ZNF48: variants seen among roughly 807,000 people sequenced by gnomAD.
ZNF48 encodes zinc finger protein 48.
Under a neutral mutation model 40.0 loss-of-function variants are expected in ZNF48, and 20 were observed. The ratio of observed to expected loss-of-function variants is 0.50; its 90% CI spans 0.35 to 0.73. The LOEUF (loss-of-function observed/expected upper bound fraction) is 0.73. Ranked by LOEUF, ZNF48 falls within the 30% of genes least tolerant of loss-of-function variation. The probability of loss-of-function intolerance (pLI) is 0.01; values close to 1 mark genes in which losing one functional copy is unlikely to be tolerated. For synonymous variants in ZNF48, 298 were observed against 329.7 expected (o/e 0.90, Z 1.04); for missense variants, 726 against 851.9 (o/e 0.85, Z 1.84).
At chr16:30,378,520 G>A (rs2049784225) in intron 1 of ZNF48, 2 of 1,591,052 alleles carry the variant, frequency 1.3e-6, no homozygotes, top group South Asian at 2.2e-5. Flanking sequence ...ATGCGGCGCA[G>A]CTGTGCAGGG....
chr16:30,379,147 C>T, intron 1 of ZNF48: 2 of 1,614,114 alleles, frequency 1.2e-6, no homozygotes, highest in Non-Finnish European at 1.7e-6. Flanking sequence ...CAGCATCCGT[C>T]GCAGGTTCAG....
chr16:30,383,048 G>C (rs962532779), intron 1 of ZNF48: 1 of 518,040 alleles, frequency 1.9e-6, no homozygotes, highest in South Asian at 2.0e-5. Context: ...CAGGCATGTT[G>C]GTACAATCCT....
chr16:30,399,378 T>C lies in ZNF48; in HGVS notation c.*271T>C, dbSNP rs1481988107. 2 of 357,818 alleles carry C rather than the reference T, an allele frequency of 5.6e-6. No homozygotes were observed. Among genetic ancestry groups the C allele is most frequent in the Admixed American group, 4.3e-5 (1 of 23,288 alleles). 22.2% of individuals were successfully genotyped at this position (357,818 alleles called of 1,614,324 possible). On this transcript the variant is annotated 3_prime_UTR_variant, in exon 3 of 3. Transcript: ENST00000613509. The stretch of plus-strand genomic sequence containing the variant: ...AGGCATTCAATACTTGTTGAATAAA[T>C]AAACTGGCTTTCACCTAAGGACTCA...
rs1243264194 is a variant in ZNF48 at position 30,399,074 on chromosome 16, C to G, written c.1824C>G (p.Pro608=). Reference sequence around the variant, plus strand: ...GGATAGGGGATGGTAGGGCAAGGCCCCTCAAGCAGGAGGCAGCAACAGGAC... The same window carrying G: ...GGATAGGGGATGGTAGGGCAAGGCCGCTCAAGCAGGAGGCAGCAACAGGAC... The part of the protein sequence containing the change: ...PFGIGDGRAR[P]LKQEAATGLE Residue 608 remains proline (P), a synonymous_variant, in exon 3 of 3, where the codon CCC becomes CCG. Transcript: ENST00000613509. The G allele has an allele frequency of 6.2e-7, 1 of 1,601,954 alleles. No homozygotes were observed. Among genetic ancestry groups the G allele is most frequent in the Non-Finnish European group, 8.5e-7 (1 of 1,173,266 alleles).
Position 30,399,180 on chromosome 16 carries a change from C to T in ZNF48, c.*73C>T, listed in dbSNP as rs2050027940. 1.4e-6 allele frequency: 2 copies of T among 1,408,254 alleles called. No individual in the cohort carries two copies. Among genetic ancestry groups the T allele is most frequent in the African/African-American group, 1.4e-5 (1 of 69,564 alleles). The allele number at this position is 1,408,254 out of a possible 1,614,324, so 87.2% of individuals were successfully genotyped here. On this transcript the variant is annotated 3_prime_UTR_variant, in exon 3 of 3. Coordinates refer to ENST00000613509, the MANE Select transcript of ZNF48 (RefSeq NM_001214909.2). ...TGCCGCTTAGCAGAGAAGAAAGGGC[C>T]TGGGAGGTGGTGGGAGGGAGAAGGA...
chr16:30,398,570 G>C lies in ZNF48; in HGVS notation c.1320G>C (p.Glu440Asp). 1.2e-6 allele frequency: 2 copies of C among 1,611,502 alleles called. No individual in the cohort carries two copies. The highest frequency in any genetic ancestry group is 1.7e-6 in the Non-Finnish European group (2 of 1,179,436). ...AGCCTGGGGGCCCACAGGCTGGGGA[G>C]CCACCCCCACCACTGGCGGGCGACA... ...EPEPGGPQAG[E>D]PPPPLAGDKP... The change falls in exon 3 of 3, where the codon GAG (glutamate) becomes GAC (aspartate). Residue 440 changes from glutamate (E) to aspartate (D), a missense_variant. This residue lies in a region of ZNF48 where 378 missense variants were observed against 449.1 expected (regional missense o/e 0.84). Coordinates refer to ENST00000613509, the MANE Select transcript of ZNF48 (RefSeq NM_001214909.2). This position sits in a 1 kb window ranked among gnomAD's most constrained non-coding sequence, Gnocchi z 6.6.
upstream of ZNF48, among the ~76,000 whole-genome samples, chr16:30,391,399 A>G (rs1253621753): frequency 6.6e-6 from 1 of 151,310 alleles, no homozygotes; most frequent in Non-Finnish European, 1.5e-5. Context: ...CATGTTGGTC[A>G]GGCTGGTCTC....
At chr16:30,388,323 T>A (rs762372803) in intron 1 of ZNF48, among the ~76,000 whole-genome samples, 6 of 152,138 alleles carry the variant, frequency 3.9e-5, no homozygotes, top group Non-Finnish European at 7.3e-5. Flanking sequence ...TATCTGTTTT[T>A]GTTTTAGTTT....
At chr16:30,385,790 C>T (rs2049896545) in intron 1 of ZNF48, among the ~76,000 whole-genome samples, 1 of 151,266 alleles carries the variant, frequency 6.6e-6, no homozygotes, top group East Asian at 2.0e-4. Flanking sequence ...CAACTCTTCT[C>T]TGAGTTATTC....
intron 1 of ZNF48, among the ~76,000 whole-genome samples, chr16:30,387,280 C>T (rs1214497777): frequency 3.6e-5 from 5 of 140,262 alleles, no homozygotes; most frequent in Non-Finnish European, 7.7e-5. Flanking sequence ...TTCGGCGGGG[C>T]GCCATGGCTC....
At chr16:30,387,690 C>T (rs1352858016) in intron 1 of ZNF48, among the ~76,000 whole-genome samples, 1 of 150,892 alleles carries the variant, frequency 6.6e-6, no homozygotes, top group Non-Finnish European at 1.5e-5. Context: ...TCCCGACTAG[C>T]TGTGATTACA....
upstream of ZNF48, among the ~76,000 whole-genome samples, chr16:30,392,473 A>G (rs998066871): frequency 1.3e-5 from 2 of 152,038 alleles, no homozygotes; most frequent in Admixed American, 6.6e-5. Context: ...TTCAATTAGT[A>G]TGTGGCCCAC....
chr16:30,379,838 C>G (rs1360569612), intron 1 of ZNF48: 6 of 736,308 alleles, frequency 8.1e-6, no homozygotes, highest in African/African-American at 1.7e-5. Flanking sequence ...AACTCCTGAC[C>G]TCAGGGGATC....
At position 30,378,916 on chromosome 16, in the gene ZNF48, TG is replaced by T. The variant is rs1291510438; in HGVS notation, c.-16+508del. 8.1e-6 allele frequency: 9 copies of T among 1,108,362 alleles called. No individual in the cohort carries two copies. In the East Asian group the frequency reaches 2.3e-4, roughly 29 times the overall value. The allele number at this position is 1,108,362 out of a possible 1,614,324, so 68.7% of individuals were successfully genotyped here. A position where few individuals can be genotyped will look rare whatever the true frequency, so the allele number is the denominator to read the frequency against. ...GGAGGGAGGGAGAGAGAAGTCTGAG[TG>T]GTGAAGGCGGAGTCACGGGTGGTGG... On this transcript the variant is annotated intron_variant, in intron 1 of 2. Transcript: ENST00000528032.
At position 30,381,618 on chromosome 16, in the gene ZNF48, A is replaced by G. The variant is rs1025146985; in HGVS notation, c.-16+3208A>G. ...GAACTGGTGGGGGCCTAGGTGAGTCATCAAGAAGCACAGGGACCCAGTGGC... is the reference window on the plus strand; with the variant it reads ...GAACTGGTGGGGGCCTAGGTGAGTCGTCAAGAAGCACAGGGACCCAGTGGC... On this transcript the variant is annotated intron_variant, in intron 1 of 2. Transcript: ENST00000528032. The surrounding 1 kb of genome is among the most constrained non-coding windows in gnomAD (Gnocchi z 4.3). 6.8e-7 allele frequency: 1 copy of G among 1,473,576 alleles called. No homozygotes were observed. The highest frequency in any genetic ancestry group is 9.2e-7 in the Non-Finnish European group (1 of 1,082,044). 91.3% of individuals were successfully genotyped at this position (1,473,576 alleles called of 1,614,324 possible). A position where few individuals can be genotyped will look rare whatever the true frequency, so the allele number is the denominator to read the frequency against.
upstream of ZNF48, among the ~76,000 whole-genome samples, chr16:30,392,083 C>T (rs1319559234): frequency 2.0e-5 from 3 of 152,164 alleles, no homozygotes; most frequent in South Asian, 2.1e-4. Flanking sequence ...AGCGCAGTGG[C>T]GCGATCTCGG....
Position 30,381,710 on chromosome 16 carries a change from G to A in ZNF48, c.-16+3300G>A, listed in dbSNP as rs1187213365. On this transcript the variant is annotated intron_variant, in intron 1 of 2. Transcript: ENST00000528032. The surrounding 1 kb of genome is among the most constrained non-coding windows in gnomAD (Gnocchi z 4.3). ...CAAACCAGTCCTGTAACTCTCCAGG[G>A]AGTCGCCACTGTGAAAGGCTGAGCC... is the stretch of plus-strand genomic sequence containing the variant. 2.5e-6 allele frequency: 4 copies of A among 1,606,568 alleles called. No individual in the cohort carries two copies. The South Asian group carries it at 4.4e-5, about 18-fold the overall frequency.
At chr16:30,393,228 C>T (rs377024335), upstream of ZNF48, among the ~76,000 whole-genome samples, 1 of 151,960 alleles carries the variant, frequency 6.6e-6, no homozygotes, top group Non-Finnish European at 1.5e-5. Context: ...AGGCGCCTGC[C>T]ACCACGCCCT....
chr16:30,395,840 G>T lies in ZNF48; in HGVS notation c.46G>T (p.Glu16Ter). Residue 16 changes from glutamate (E) to a stop codon, truncating the protein, a stop_gained, in exon 2 of 3, where the codon GAG becomes TAG. Coordinates refer to ENST00000613509, the MANE Select transcript of ZNF48 (RefSeq NM_001214909.2). LOFTEE classifies it high-confidence loss of function. This position sits in a 1 kb window ranked among gnomAD's most constrained non-coding sequence, Gnocchi z 5.9. Reference sequence around the variant, plus strand: ...TTGGGGCCCAGATCTCCACCGCCCGGAGGAGAGGGAGCCACAGAGAGGCGC... The same window carrying T: ...TTGGGGCCCAGATCTCCACCGCCCGTAGGAGAGGGAGCCACAGAGAGGCGC... ...EPWGPDLHRP[E>*]EREPQRGART... The T allele has an allele frequency of 6.5e-7, 1 of 1,548,936 alleles. No individual in the cohort carries two copies. Among genetic ancestry groups the T allele is most frequent in the East Asian group, 2.4e-5 (1 of 41,496 alleles).
Sources: allele counts gnomAD v4.1 joint callset (sites outside exome capture counted in the v4.1 genomes callset), GRCh38; gene constraint gnomAD v4.1.1; regional missense constraint gnomAD v4.1.1; non-coding constraint Gnocchi (gnomAD v3.1); transcripts MANE v1.5; gene names NCBI Gene and HGNC (gene_info 2026-07-23, HGNC 2026-07-21).